The following ABCA12 variants were observed in gnomAD, a reference collection of about 807,000 sequenced individuals.
ABCA12 encodes glucosylceramide transporter ABCA12.
A neutral mutation model predicts 293.5 loss-of-function variants in ABCA12; 156 were observed. That is an observed-to-expected ratio of 0.53 (90% confidence interval 0.47 to 0.61). The LOEUF (loss-of-function observed/expected upper bound fraction) is 0.61, where lower values mean the gene tolerates loss of function less well. Ranked by LOEUF, ABCA12 falls within the 20% of genes least tolerant of loss-of-function variation. The pLI is 0.00. For synonymous variants in ABCA12, 1,063 were observed against 1,108.0 expected (o/e 0.96, Z 0.81); for missense variants, 2,797 against 3,090.2 (o/e 0.91, Z 2.25).
intron 1 of ABCA12, among the ~76,000 whole-genome samples, chr2:215,117,544 ACAAATTT>A (rs1702711522): frequency 6.6e-6 from 1 of 152,234 alleles, no homozygotes; most frequent in Non-Finnish European, 1.5e-5. Flanking sequence ...TCAAGTATTT[ACAAATTT>A]CAAAAACCCG....
At chr2:214,953,803 T>TGAG (rs1698854208) in intron 44 of ABCA12, 51 bp downstream of exon 44, 1 of 1,595,696 alleles carries the variant, frequency 6.3e-7, no homozygotes, top group Non-Finnish European at 8.6e-7. Flanking sequence ...CTCAATAGGT[T>TGAG]GAATTGAGTT....
intron 2 of ABCA12, among the ~76,000 whole-genome samples, chr2:215,095,752 G>A (rs1358570359): frequency 1.5e-5 from 2 of 136,840 alleles, no homozygotes; most frequent in African/African-American, 3.7e-5. Context: ...GAAAATGACC[G>A]GTTCCTGCCT....
chr2:215,080,736 A>G (rs1701920668), intron 2 of ABCA12: 1 of 153,198 alleles, frequency 6.5e-6, no homozygotes, highest in African/African-American at 2.4e-5. Flanking sequence ...GTCAGCAGCC[A>G]TAAATAACAC....
At chr2:215,001,483 A>G (rs1700144366) in intron 21 of ABCA12, 75 bp downstream of exon 21, 2 of 1,591,578 alleles carry the variant, frequency 1.3e-6, no homozygotes, top group East Asian at 2.2e-5. Context: ...TGAGTTCTGG[A>G]TGAAAGACAT....
At chr2:215,052,058 G>T (rs76898042) in intron 5 of ABCA12, among the ~76,000 whole-genome samples, 1 of 151,972 alleles carries the variant, frequency 6.6e-6, no homozygotes, top group African/African-American at 2.4e-5. Context: ...TCTAAAATAC[G>T]CTAAGAAAAA....
rs558599969 is a variant in ABCA12 at position 215,118,063 on chromosome 2, C to A, written c.70-6373G>T. On this transcript the variant is annotated intron_variant, in intron 1 of 52. Transcript: ENST00000272895. Reference sequence around the variant, plus strand: ...ATTTTGCCCCTACAGACATTTGAGTCTGTGCCTTTATACTAGAGTAGCCTG... The same window carrying A: ...ATTTTGCCCCTACAGACATTTGAGTATGTGCCTTTATACTAGAGTAGCCTG... Among the ~76,000 whole-genome samples, 4 of 152,292 alleles carry A rather than the reference C, an allele frequency of 2.6e-5. No individual in the cohort carries two copies. The South Asian group carries it at 8.3e-4, about 32-fold the overall frequency.
chr2:215,109,139 C>A (rs1242188117), intron 2 of ABCA12, among the ~76,000 whole-genome samples: 1 of 151,440 alleles, frequency 6.6e-6, no homozygotes, highest in Non-Finnish European at 1.5e-5. Flanking sequence ...TACTCTATAG[C>A]ACCTCTGATT....
At chr2:214,990,656 C>A in intron 24 of ABCA12, 46 bp downstream of exon 24, 12 of 1,589,464 alleles carry the variant, frequency 7.5e-6, no homozygotes, top group Non-Finnish European at 9.5e-6. Flanking sequence ...AACAAACAAA[C>A]AAAAATGGGT....
intron 15 of ABCA12, among the ~76,000 whole-genome samples, chr2:215,013,918 C>T (rs1183755528): frequency 6.6e-6 from 1 of 152,210 alleles, no homozygotes; most frequent in Non-Finnish European, 1.5e-5. Flanking sequence ...CGATGGCTCA[C>T]TCCTGTAATC....
intron 2 of ABCA12, among the ~76,000 whole-genome samples, chr2:215,101,199 C>T (rs983813690): frequency 1.2e-4 from 18 of 152,140 alleles, no homozygotes; most frequent in East Asian, 9.6e-4. Flanking sequence ...AGTTCTTCTC[C>T]GTGATTATTC....
chr2:215,075,635 C>T (rs1701820452), intron 2 of ABCA12: 1 of 673,000 alleles, frequency 1.5e-6, no homozygotes, highest in Non-Finnish European at 2.7e-6. Flanking sequence ...AGGAGATGAG[C>T]ATGTTCAAGT....
rs1703281755 is a variant in ABCA12 at position 215,138,558 on chromosome 2, TG to T, written c.-351del. Reference sequence around the variant, plus strand: ...GAGCATCATTCAGATAATGCCTCACTGAAAAAAAAAAAAAAGCAGCAGCTGA... The same window carrying T: ...GAGCATCATTCAGATAATGCCTCACTAAAAAAAAAAAAAAGCAGCAGCTGA... On this transcript the variant is annotated 5_prime_UTR_variant, in exon 1 of 53. It removes the in-frame stop codon of an upstream open reading frame in the 5' UTR. Coordinates refer to ENST00000272895, the MANE Select transcript of ABCA12 (RefSeq NM_173076.3). 4 of 256,256 alleles carry T rather than the reference TG, an allele frequency of 1.6e-5. No homozygotes were observed. The highest frequency in any genetic ancestry group is 9.4e-5 in the East Asian group (1 of 10,624). The allele number at this position is 256,256 out of a possible 1,614,324, so 15.9% of individuals were successfully genotyped here.
At chr2:215,031,627 A>G (rs949202389) in intron 9 of ABCA12, among the ~76,000 whole-genome samples, 194 bp downstream of exon 9, 1 of 152,240 alleles carries the variant, frequency 6.6e-6, no homozygotes, top group African/African-American at 2.4e-5. Flanking sequence ...GCAATGCTTA[A>G]ATATCATTAA....
At chr2:215,131,003 T>C (rs1272131582) in intron 1 of ABCA12, among the ~76,000 whole-genome samples, 1 of 152,020 alleles carries the variant, frequency 6.6e-6, no homozygotes, top group African/African-American at 2.4e-5. Context: ...ATTGAGATGA[T>C]CATATGGTCT....
chr2:214,986,229 C>A (rs1445308687), intron 28 of ABCA12, among the ~76,000 whole-genome samples: 1 of 152,216 alleles, frequency 6.6e-6, no homozygotes, highest in South Asian at 2.1e-4. Flanking sequence ...TACTAATGAG[C>A]CCCAATCAAT....
rs1216626168 is a variant in ABCA12, at chr2:215,081,491, AAG to A, written c.164-17274_164-17273del. Reference sequence around the variant, plus strand: ...AAGACTCTGTCTCAAAAAAAAAAAAAAGAAAAAGAAAAAAGAAAAAGAAAAAA... The same window carrying A: ...AAGACTCTGTCTCAAAAAAAAAAAAAAAAAAGAAAAAAGAAAAAGAAAAAA... On this transcript the variant is annotated intron_variant, in intron 2 of 52. Transcript: ENST00000272895. 3.3e-4 allele frequency among the ~76,000 whole-genome samples: 33 copies of A among 100,534 alleles called. 3 individuals are homozygous for A. Among genetic ancestry groups the A allele is most frequent in the African/African-American group, 1.0e-3 (22 of 21,298 alleles). The allele number at this position is 100,534 out of a possible 152,430, so 66.0% of individuals were successfully genotyped here. A position where few individuals can be genotyped will look rare whatever the true frequency, so the allele number is the denominator to read the frequency against.
intron 22 of ABCA12, 52 bp from the exon 23 acceptor site, chr2:214,997,861 C>G: frequency 1.9e-6 from 2 of 1,043,048 alleles, no homozygotes; most frequent in Non-Finnish European, 3.0e-6. Flanking sequence ...GAACACCATA[C>G]TTGCAGAGAT....
chr2:215,124,485 T>C (rs1430639027), intron 1 of ABCA12, among the ~76,000 whole-genome samples: 1 of 152,174 alleles, frequency 6.6e-6, no homozygotes, highest in African/African-American at 2.4e-5. Flanking sequence ...TCTTTTTTGA[T>C]TATGACCATT....
At chr2:215,031,705 AG>A in intron 9 of ABCA12, 115 bp downstream of exon 9, 1 of 1,262,696 alleles carries the variant, frequency 7.9e-7, no homozygotes, top group Non-Finnish European at 1.1e-6. Flanking sequence ...CTCAGTCAAT[AG>A]TTGATTTTTC....
Sources: gnomAD v4.1 joint callset for allele counts (sites outside exome capture counted in the v4.1 genomes callset) on GRCh38, gnomAD v4.1.1 for gene constraint, MANE v1.5 for transcripts, NCBI Gene and HGNC (gene_info 2026-07-23, HGNC 2026-07-21) for gene names.